BCO1: variants seen among roughly 807,000 people sequenced by gnomAD.
BCO1 encodes the protein beta,beta-carotene 15,15'-dioxygenase.
Under a neutral mutation model 56.3 loss-of-function variants are expected in BCO1, and 54 were observed. The ratio of observed to expected loss-of-function variants is 0.96; its 90% confidence interval spans 0.77 to 1.20. The LOEUF (loss-of-function observed/expected upper bound fraction) is 1.20, where lower values mean the gene tolerates loss of function less well. Among genes scored for constraint, BCO1 ranks in the 50% most tolerant of loss-of-function variants. BCO1 has a pLI of 0.00. For synonymous variants in BCO1, 318 were observed against 266.1 expected (o/e 1.20, Z -1.90); for missense variants, 801 against 690.9 (o/e 1.16, Z -1.79).
chr16:81,267,066 C>T (rs1185275161), intron 5 of BCO1, among the ~76,000 whole-genome samples: 1 of 152,122 alleles, frequency 6.6e-6, no homozygotes, highest in Non-Finnish European at 1.5e-5. Context: ...AAACTGAACA[C>T]GTATTGAGCA....
chr16:81,284,712 T>C (rs1222003240), intron 8 of BCO1, among the ~76,000 whole-genome samples: 1 of 152,142 alleles, frequency 6.6e-6, no homozygotes, highest in Non-Finnish European at 1.5e-5. Context: ...CTCAAACTCC[T>C]GGCCTCAAGC....
chr16:81,286,873 T>C (rs1306332138), intron 9 of BCO1, among the ~76,000 whole-genome samples: 1 of 151,130 alleles, frequency 6.6e-6, no homozygotes, highest in African/African-American at 2.4e-5. Flanking sequence ...GGTCAGGAGT[T>C]CAAGACCAAC....
rs1908418933 is a variant in BCO1, at chr16:81,290,767, T to C, written c.*190T>C. 2 of 588,078 alleles carry C rather than the reference T, an allele frequency of 3.4e-6. No individual in the cohort carries two copies. The highest frequency in any genetic ancestry group is 6.0e-6 in the Non-Finnish European group (2 of 333,592). 36.4% of individuals were successfully genotyped at this position (588,078 alleles called of 1,614,324 possible). A position where few individuals can be genotyped will look rare whatever the true frequency, so the allele number is the denominator to read the frequency against. On this transcript the variant is annotated 3_prime_UTR_variant, in exon 11 of 11. Transcript: ENST00000258168. ...TTTATTTTGGCTGTAAAAATTTTGT[T>C]TGAAAGTCAAACATTTGAACATCAA... is the stretch of plus-strand genomic sequence containing the variant.
chr16:81,271,397 G>A (rs1907208843), intron 7 of BCO1, among the ~76,000 whole-genome samples: 1 of 152,186 alleles, frequency 6.6e-6, no homozygotes, highest in Non-Finnish European at 1.5e-5. Context: ...TTACAGGCGT[G>A]AGCCACCATG....
rs146221541 is a variant in BCO1, at chr16:81,288,633, G to A, written c.1414+1227G>A. ...TGTTTCACAGAGCCGCTGGAAATGT[G>A]TATTTGTGGCCCACCTCTATTTTCT... On this transcript the variant is annotated intron_variant, in intron 10 of 10. Coordinates refer to ENST00000258168, the MANE Select transcript of BCO1 (RefSeq NM_017429.3). Among the ~76,000 whole-genome samples, 574 of 152,324 alleles carry A rather than the reference G, an allele frequency of 3.8e-3. 6 individuals are homozygous for A. Among genetic ancestry groups the A allele is most frequent in the African/African-American group, 0.013 (552 of 41,574 alleles).
chr16:81,257,772 G>A (rs989698328), intron 2 of BCO1, among the ~76,000 whole-genome samples: 20 of 151,566 alleles, frequency 1.3e-4, no homozygotes, highest in South Asian at 4.2e-4. Flanking sequence ...CCAGCTACTC[G>A]GGGAGGCTGA....
chr16:81,287,540 T>C, intron 10 of BCO1, 134 bp downstream of exon 10: 1 of 749,876 alleles, frequency 1.3e-6, no homozygotes. Context: ...TGTACATCTG[T>C]CTGGGTCAAA....
intron 7 of BCO1, among the ~76,000 whole-genome samples, chr16:81,275,212 G>A (rs995515652): frequency 2.0e-5 from 3 of 152,232 alleles, no homozygotes; most frequent in Non-Finnish European, 2.9e-5. Flanking sequence ...TGAGGCCTTT[G>A]CAGGACATTG....
At chr16:81,259,514 T>C (rs541009521) in intron 2 of BCO1, among the ~76,000 whole-genome samples, 162 bp from the exon 3 acceptor site, 1 of 152,148 alleles carries the variant, frequency 6.6e-6, no homozygotes, top group Admixed American at 6.5e-5. Context: ...ATAAATAAAA[T>C]TATATTTAAA....
rs767684445 is a variant in BCO1 at position 81,268,002 on chromosome 16, C to T, written c.714C>T (p.Ser238=). The change falls in exon 6 of 11, where the codon AGC becomes AGT. Residue 238 remains serine, a synonymous_variant. Transcript: ENST00000258168. The part of the protein sequence containing the change: ...RSLLSPSYYH[S]FGVTENYVIF... ...TGCTCTCCCCAAGCTACTACCACAG[C>T]TTTGGAGTCACCGAGAACTATGTCA... The T allele has an allele frequency of 1.7e-5, 27 of 1,613,842 alleles. 1 individual carries two copies. Among genetic ancestry groups the T allele is most frequent in the Non-Finnish European group, 1.9e-5 (22 of 1,180,026 alleles).
intron 7 of BCO1, among the ~76,000 whole-genome samples, chr16:81,270,686 C>CTCTGTGTG (rs1555505399): frequency 1.0e-4 from 3 of 29,566 alleles, no homozygotes; most frequent in Admixed American, 3.6e-4. Flanking sequence ...GTCTCTCTCT[C>CTCTGTGTG]TGTGTCTGTG....
rs867034833 is a variant in BCO1 at position 81,260,228 on chromosome 16, G to C, written c.323+423G>C. On this transcript the variant is annotated intron_variant, in intron 3 of 10. Coordinates refer to ENST00000258168, the MANE Select transcript of BCO1 (RefSeq NM_017429.3). ...AATCCGTAACAGTAAAACTGTACGA[G>C]AAAATGCCATGTAGAAGTAAAAAGG... 4.7e-5 allele frequency among the ~76,000 whole-genome samples: 7 copies of C among 150,430 alleles called. No homozygotes were observed. In the Middle Eastern group the frequency reaches 0.01, roughly 219 times the overall value.
intron 2 of BCO1, among the ~76,000 whole-genome samples, chr16:81,251,872 A>ATGTGTGTGTGTGTG (rs773100922): frequency 2.6e-5 from 3 of 117,280 alleles, no homozygotes; most frequent in African/African-American, 1.3e-4. Flanking sequence ...ACACACACAT[A>ATGTGTGTGTGTGTG]TATGTGTGTG....
chr16:81,259,842 T>C, intron 3 of BCO1, 37 bp downstream of exon 3: 3 of 1,613,210 alleles, frequency 1.9e-6, no homozygotes, highest in Admixed American at 3.3e-5. Flanking sequence ...AATTTCATGC[T>C]TTTTGCTATC....
At chr16:81,288,176 C>A (rs1367356308) in intron 10 of BCO1, among the ~76,000 whole-genome samples, 1 of 151,024 alleles carries the variant, frequency 6.6e-6, no homozygotes, top group African/African-American at 2.4e-5. Flanking sequence ...TTTTACCGCA[C>A]AAAGTCCATC....
At chr16:81,272,171 T>C (rs1251897644) in intron 7 of BCO1, among the ~76,000 whole-genome samples, 2 of 148,534 alleles carry the variant, frequency 1.3e-5, no homozygotes, top group Non-Finnish European at 3.0e-5. Context: ...TGGAGTGCAG[T>C]GGCGCAGTCT....
intron 2 of BCO1, among the ~76,000 whole-genome samples, chr16:81,249,592 G>T (rs574065927): frequency 6.6e-6 from 1 of 151,968 alleles, no homozygotes. Flanking sequence ...TAGAGATGGG[G>T]GTTTCATCAT....
intron 2 of BCO1, among the ~76,000 whole-genome samples, chr16:81,253,248 C>T (rs182772336): frequency 1.6e-3 from 240 of 152,284 alleles, no homozygotes; most frequent in African/African-American, 4.5e-3. Flanking sequence ...GAGATGAAAC[C>T]TAGAGCCGAA....
chr16:81,280,716 A>G, intron 7 of BCO1, 141 bp from the exon 8 acceptor site: 1 of 687,930 alleles, frequency 1.5e-6, no homozygotes, highest in South Asian at 1.6e-5. Flanking sequence ...ACAACAGGAA[A>G]CGAGCTGCTT....
Sources: allele counts gnomAD v4.1 joint callset (sites outside exome capture counted in the v4.1 genomes callset), GRCh38; gene constraint gnomAD v4.1.1; transcripts MANE v1.5; gene names NCBI Gene and HGNC (gene_info 2026-07-23, HGNC 2026-07-21).